CFAP251: variants seen among roughly 807,000 people sequenced by gnomAD.
The protein encoded by CFAP251 is cilia and flagella associated protein 251.
CFAP251 carries 93 observed loss-of-function variants against 126.7 expected under a neutral mutation model. The ratio of observed to expected loss-of-function variants is 0.73; its 90% CI spans 0.62 to 0.87. The LOEUF (loss-of-function observed/expected upper bound fraction) is 0.87. CFAP251 is among the 40% of genes least tolerant of loss of function. CFAP251 has a pLI of 0.00. For synonymous variants in CFAP251, 503 were observed against 506.9 expected, an observed-to-expected ratio of 0.99 and a Z score of 0.10; for missense variants, 1,287 against 1,389.2, an observed-to-expected ratio of 0.93 and a Z score of 1.17.
Position 121,921,792 on chromosome 12 carries a change from C to CTTTTT in CFAP251, c.378+120_378+124dup, listed in dbSNP as rs3040015. 2,467 of 793,948 alleles carry CTTTTT rather than the reference C, an allele frequency of 3.1e-3. 2 individuals carry two copies. The highest frequency in any genetic ancestry group is 3.6e-3 in the Non-Finnish European group (2,013 of 561,290). 49.2% of individuals were successfully genotyped at this position (793,948 alleles called of 1,614,324 possible). On this transcript the variant is annotated intron_variant, in intron 2 of 21. Coordinates refer to ENST00000288912, the MANE Select transcript of CFAP251 (RefSeq NM_144668.6). ...AAACCAAATAAGGTACAATCCATTC[C>CTTTTT]TTTTTTTTTTTTTTTGAGACAGAGT...
chr12:121,969,361 G>A, intron 17 of CFAP251: 4 of 985,406 alleles, frequency 4.1e-6, no homozygotes, highest in Non-Finnish European at 2.4e-6. Flanking sequence ...GGAGCTGGAG[G>A]TGAACTCTCC....
chr12:121,956,040 C>T (rs1881715968), intron 10 of CFAP251: 1 of 152,194 alleles, frequency 6.6e-6, no homozygotes, highest in South Asian at 2.1e-4. Context: ...AGAGAAAAAT[C>T]CTCCTCATCT....
intron 13 of CFAP251, 39 bp from the exon 14 acceptor site, chr12:121,960,546 G>T: frequency 6.2e-7 from 1 of 1,608,074 alleles, no homozygotes; most frequent in Non-Finnish European, 8.5e-7. Flanking sequence ...TTTACTAAAC[G>T]TAAAATGGGA....
In CFAP251 at chr12:121,921,381, C is replaced by G. The variant is rs1212600107; in HGVS notation, c.76C>G (p.Pro26Ala). 18 of 1,607,794 alleles carry G rather than the reference C, an allele frequency of 1.1e-5. No individual in the cohort carries two copies. Among genetic ancestry groups the G allele is most frequent in the Non-Finnish European group, 1.4e-5 (16 of 1,177,628 alleles). ...GETEMKEEEE[P>A]NPNYKEVEDP... is the part of the protein sequence containing the mutation. ...AACAGAAATGAAAGAAGAGGAGGAA[C>G]CTAATCCAAATTATAAAGAAGTAGA... Residue 26 changes from proline to alanine, a missense_variant, in exon 2 of 22, where the codon CCT becomes GCT. Pro to Ala is a conservative substitution (Grantham distance 27). Transcript: ENST00000288912.
intron 19 of CFAP251, among the ~76,000 whole-genome samples, chr12:121,976,691 G>T (rs1882467792): frequency 6.6e-6 from 1 of 152,140 alleles, no homozygotes; most frequent in African/African-American, 2.4e-5. Context: ...AGGATCACTT[G>T]AGCCCAGGAG....
chr12:121,945,581 G>T (rs947656648), intron 7 of CFAP251, among the ~76,000 whole-genome samples: 12 of 151,146 alleles, frequency 7.9e-5, no homozygotes, highest in African/African-American at 2.7e-4. Context: ...CTGACCTCAT[G>T]ATCCGCCCGC....
In CFAP251 at chr12:121,934,969, G is replaced by A. The variant is rs375113530; in HGVS notation, c.998+613G>A. ...CCACAGGCGCATGCAACCACACCTG[G>A]CTAACTTACTTTTGTAGAGAGGAAG... On this transcript the variant is annotated intron_variant, in intron 5 of 21. Coordinates refer to ENST00000288912, the MANE Select transcript of CFAP251 (RefSeq NM_144668.6). Among the ~76,000 whole-genome samples, 5 of 152,228 alleles carry A rather than the reference G, an allele frequency of 3.3e-5. No homozygotes were observed. In the East Asian group the frequency reaches 7.7e-4, roughly 24 times the overall value.
intron 19 of CFAP251, among the ~76,000 whole-genome samples, chr12:121,984,026 T>C (rs1478986992): frequency 6.6e-6 from 1 of 152,230 alleles, no homozygotes; most frequent in Non-Finnish European, 1.5e-5. Flanking sequence ...GCCTCACTAC[T>C]GGAGTGTGTT....
In CFAP251 at chr12:121,975,673, A is replaced by T. The variant is rs1882439874; in HGVS notation, c.2994A>T (p.Pro998=). 1 of 1,578,338 alleles carries T rather than the reference A, an allele frequency of 6.3e-7. No individual in the cohort carries two copies. Among genetic ancestry groups the T allele is most frequent in the African/African-American group, 1.4e-5 (1 of 72,770 alleles). ...PFVMRAIGFY[P]SEEKIDDIFN... ...TCATGAGAGCAATTGGCTTTTACCC[A>T]TCTGAAGAGAAGGTAGGGAGAACGA... Residue 998 remains proline (P), a synonymous_variant, in exon 19 of 22, where the codon CCA becomes CCT. Coordinates refer to ENST00000288912, the MANE Select transcript of CFAP251 (RefSeq NM_144668.6).
intron 19 of CFAP251, chr12:121,997,465 G>A (rs1883046207): frequency 6.6e-6 from 1 of 151,662 alleles, no homozygotes; most frequent in African/African-American, 2.4e-5. Context: ...ACTTTGGGAG[G>A]CAGCTGTGCT....
intron 16 of CFAP251, among the ~76,000 whole-genome samples, chr12:121,967,473 C>T (rs746357702): frequency 6.6e-5 from 10 of 152,266 alleles, no homozygotes; most frequent in South Asian, 2.1e-4. Flanking sequence ...GAGGCCAAGG[C>T]GGGTGGATCA....
At chr12:121,968,220 C>A in intron 17 of CFAP251, 51 bp downstream of exon 17, 1 of 1,531,226 alleles carries the variant, frequency 6.5e-7, no homozygotes, top group Non-Finnish European at 8.9e-7. Flanking sequence ...CCTTTTCACT[C>A]AGCAACAGTG....
At chr12:121,955,166 C>T (rs560343864) in intron 10 of CFAP251, among the ~76,000 whole-genome samples, 5 of 152,142 alleles carry the variant, frequency 3.3e-5, no homozygotes, top group Admixed American at 6.5e-5. Context: ...TGGTGGTGTG[C>T]GGCTGTAATC....
chr12:121,965,237 A>G (rs1465888018), intron 15 of CFAP251, among the ~76,000 whole-genome samples: 2 of 152,232 alleles, frequency 1.3e-5, no homozygotes, highest in Non-Finnish European at 2.9e-5. Context: ...TGAAAACAAG[A>G]TATCATTTTT....
At chr12:121,923,223 G>C (rs1392478281) in intron 2 of CFAP251, among the ~76,000 whole-genome samples, 3 of 149,276 alleles carry the variant, frequency 2.0e-5, no homozygotes, top group Non-Finnish European at 4.4e-5. Context: ...ACAGTGACAT[G>C]ATCTTTCACA....
chr12:121,999,699 C>A lies in CFAP251; in HGVS notation c.3007-17C>A. 6.6e-7 allele frequency: 1 copy of A among 1,514,472 alleles called. No individual in the cohort carries two copies. The allele number at this position is 1,514,472 out of a possible 1,614,324, so 93.8% of individuals were successfully genotyped here. A position where few individuals can be genotyped will look rare whatever the true frequency, so the allele number is the denominator to read the frequency against. ...CTATTTACTGTGGTCTTTTTTTTTT[C>A]CCCATCTTTCCCCTAGATTGATGAT... On this transcript the variant is annotated splice_polypyrimidine_tract_variant and intron_variant, in intron 19 of 21. Transcript: ENST00000288912.
intron 1 of CFAP251, among the ~76,000 whole-genome samples, chr12:121,919,097 T>A (rs889925747): frequency 7.0e-5 from 10 of 141,992 alleles, no homozygotes. Context: ...TCTCAGAGCC[T>A]CAAACTCATT....
chr12:121,929,379 G>A (rs918178778), intron 3 of CFAP251, among the ~76,000 whole-genome samples: 14 of 143,268 alleles, frequency 9.8e-5, no homozygotes, highest in African/African-American at 3.5e-4. Context: ...TACACAGGGC[G>A]CCCACATATT....
Position 122,003,863 on chromosome 12 carries a change from C to A in CFAP251, c.*99C>A. ...CACTGCTTTTTATGCATTTCCCTCC[C>A]CCCTCTCATCTTTAGAACATTTAGA... On this transcript the variant is annotated 3_prime_UTR_variant, in exon 22 of 22. Coordinates refer to ENST00000288912, the MANE Select transcript of CFAP251 (RefSeq NM_144668.6). 1.2e-6 allele frequency: 1 copy of A among 817,196 alleles called. No individual in the cohort carries two copies. 50.6% of individuals were successfully genotyped at this position (817,196 alleles called of 1,614,324 possible).
Sources: gnomAD v4.1 joint callset for allele counts (sites outside exome capture counted in the v4.1 genomes callset) on GRCh38, gnomAD v4.1.1 for gene constraint, MANE v1.5 for transcripts, NCBI Gene and HGNC (gene_info 2026-07-23, HGNC 2026-07-21) for gene names.